CDC42BPB: variants seen among roughly 807,000 people sequenced by gnomAD.
The protein encoded by CDC42BPB is CDC42 binding protein kinase beta.
A neutral mutation model predicts 214.9 loss-of-function variants in CDC42BPB; 37 were observed. The observed-to-expected ratio is 0.17, with a 90% CI of 0.13 to 0.23. The LOEUF (loss-of-function observed/expected upper bound fraction) is 0.23, where lower values mean the gene tolerates loss of function less well. Among genes scored for constraint, CDC42BPB ranks in the 10% least tolerant of loss-of-function variants. CDC42BPB has a pLI of 1.00. For missense variants in CDC42BPB, 1,694 were observed against 2,227.0 expected (o/e 0.76, Z 4.82); for synonymous variants, 931 against 884.0 (o/e 1.05, Z -0.94).
At chr14:102,970,630 C>T (rs1012919988) in intron 13 of CDC42BPB, among the ~76,000 whole-genome samples, 9 of 152,098 alleles carry the variant, frequency 5.9e-5, no homozygotes, top group African/African-American at 1.9e-4. Context: ...AGCAGAATAG[C>T]GAACACACGT....
chr14:103,003,925 T>C lies in CDC42BPB; in HGVS notation c.447+3A>G, dbSNP rs763512977. ...TGACCGAGTCTCTGGCTGTGCGACC[T>C]ACCAGGTGGTTCTCGTCCTGAAAGG... On this transcript the variant is annotated splice_donor_region_variant and intron_variant, in intron 4 of 36. Transcript: ENST00000361246. 5 of 1,605,892 alleles carry C rather than the reference T, an allele frequency of 3.1e-6. No individual in the cohort carries two copies. In the Admixed American group the frequency reaches 8.4e-5, roughly 27 times the overall value.
chr14:102,937,654 C>T (rs542080554), intron 36 of CDC42BPB, among the ~76,000 whole-genome samples: 58 of 152,348 alleles, frequency 3.8e-4, no homozygotes, highest in African/African-American at 9.6e-4. Flanking sequence ...GGCTGAGCTG[C>T]GCACAACAGT....
chr14:102,980,080 C>A (rs992561908), intron 8 of CDC42BPB, among the ~76,000 whole-genome samples: 10 of 152,224 alleles, frequency 6.6e-5, no homozygotes, highest in East Asian at 1.9e-4. Flanking sequence ...GGCCGCCACA[C>A]TGCCTATGGG....
At chr14:103,053,499 C>T (rs562873297) in intron 1 of CDC42BPB, among the ~76,000 whole-genome samples, 17 of 152,056 alleles carry the variant, frequency 1.1e-4, no homozygotes, top group South Asian at 8.3e-4. Flanking sequence ...CGGTGGCTCA[C>T]ACCTGTAATC....
At chr14:103,044,306 C>A (rs1413199693) in intron 1 of CDC42BPB, among the ~76,000 whole-genome samples, 1 of 151,250 alleles carries the variant, frequency 6.6e-6, no homozygotes, top group Non-Finnish European at 1.5e-5. Flanking sequence ...TAGCTCACTG[C>A]AGGTTCAACC....
At chr14:102,952,219 G>A (rs1892521421) in intron 24 of CDC42BPB, among the ~76,000 whole-genome samples, 1 of 152,190 alleles carries the variant, frequency 6.6e-6, no homozygotes, top group Non-Finnish European at 1.5e-5. Flanking sequence ...AGGCATGCTG[G>A]TGGTGTGTGT....
chr14:103,056,316 A>T (rs925027179), intron 1 of CDC42BPB, among the ~76,000 whole-genome samples: 1 of 152,186 alleles, frequency 6.6e-6, no homozygotes, highest in South Asian at 2.1e-4. Flanking sequence ...TAAAGCCTTA[A>T]CCTTAAAATT....
chr14:102,967,818 C>T (rs754331173), intron 16 of CDC42BPB, among the ~76,000 whole-genome samples: 3 of 152,142 alleles, frequency 2.0e-5, no homozygotes, highest in Non-Finnish European at 2.9e-5. Flanking sequence ...AAACTTCGGC[C>T]GGCGCAGTGG....
chr14:103,044,332 C>T (rs1170827070), intron 1 of CDC42BPB, among the ~76,000 whole-genome samples: 1 of 150,106 alleles, frequency 6.7e-6, no homozygotes, highest in Admixed American at 6.6e-5. Context: ...TCCCAAGTAG[C>T]TGAACTACAG....
rs35834345 is a variant in CDC42BPB at position 102,933,429 on chromosome 14, C to T, written c.*283G>A. On this transcript the variant is annotated 3_prime_UTR_variant, in exon 37 of 37. Transcript: ENST00000361246. The stretch of plus-strand genomic sequence containing the variant: ...GTGGTGTTGGCAGGGCCCCATATGC[C>T]CTCTCGGGTTGTCAGGGGTGGGAGA... The T allele has an allele frequency of 1.2e-5, 4 of 323,054 alleles. No individual in the cohort carries two copies. The East Asian group carries it at 1.9e-4, about 16-fold the overall frequency. 20.0% of individuals were successfully genotyped at this position (323,054 alleles called of 1,614,324 possible).
intron 18 of CDC42BPB, among the ~76,000 whole-genome samples, chr14:102,965,335 T>A (rs138111263): frequency 2.9e-4 from 44 of 151,546 alleles, no homozygotes; most frequent in African/African-American, 1.0e-3. Flanking sequence ...CTTGAAACGT[T>A]TTGCTATTTC....
At chr14:102,978,882 C>T (rs1158853890) in intron 8 of CDC42BPB, among the ~76,000 whole-genome samples, 1 of 152,134 alleles carries the variant, frequency 6.6e-6, no homozygotes, top group African/African-American at 2.4e-5. Flanking sequence ...CAGCACGTGC[C>T]TGTAATCCCA....
intron 4 of CDC42BPB, among the ~76,000 whole-genome samples, chr14:103,003,185 C>T (rs571437367): frequency 2.6e-5 from 4 of 152,140 alleles, no homozygotes; most frequent in African/African-American, 7.2e-5. Flanking sequence ...GAGGTCTGCC[C>T]GCGTCACGTC....
chr14:102,970,091 G>A lies in CDC42BPB; in HGVS notation c.1995+60C>T, dbSNP rs1038653035. The A allele has an allele frequency of 9.1e-6, 12 of 1,320,634 alleles. No individual in the cohort carries two copies. In the African/African-American group the frequency reaches 1.7e-4, roughly 19 times the overall value. 81.8% of individuals were successfully genotyped at this position (1,320,634 alleles called of 1,614,324 possible). On this transcript the variant is annotated intron_variant, in intron 14 of 36. Coordinates refer to ENST00000361246, the MANE Select transcript of CDC42BPB (RefSeq NM_006035.4). ...TTACACAAGGTGACTTCCATGTGGT[G>A]GCGTCAGCAAAGATAAGCATCCCTC...
At position 102,943,100 on chromosome 14, in the gene CDC42BPB, TA is replaced by T. The variant is rs565361241; in HGVS notation, c.4408+790del. On this transcript the variant is annotated intron_variant, in intron 30 of 36. Coordinates refer to ENST00000361246, the MANE Select transcript of CDC42BPB (RefSeq NM_006035.4). This position sits in a 1 kb window ranked among gnomAD's most constrained non-coding sequence, Gnocchi z 4.6. ...ATTAGCCAGGATGGTCTCGATCTCC[TA>T]ACCTCGTGATCCGCCCTGCCTTGGG... 9.8e-5 allele frequency among the ~76,000 whole-genome samples: 15 copies of T among 152,300 alleles called. No individual in the cohort carries two copies. Among genetic ancestry groups the T allele is most frequent in the Admixed American group, 3.9e-4 (6 of 15,294 alleles).
intron 23 of CDC42BPB, chr14:102,952,863 G>A (rs568475487): frequency 2.7e-6 from 1 of 365,726 alleles, no homozygotes; most frequent in South Asian, 1.1e-4. Context: ...GAGGTCAGCT[G>A]GGCCAGAGGG....
At chr14:102,935,070 G>A (rs1210827108) in intron 36 of CDC42BPB, among the ~76,000 whole-genome samples, 2 of 152,028 alleles carry the variant, frequency 1.3e-5, no homozygotes, top group Non-Finnish European at 2.9e-5. Context: ...AAGGATGCCT[G>A]CTTTCACCAC....
rs897797262 is a variant in CDC42BPB, at chr14:102,932,901, C to T, written c.*811G>A. ...GGGGGGGGGGGCGGGCAGGGCGGGG[C>T]GGGGTGGGGTATCCCAGTGGCTGCT... On this transcript the variant is annotated 3_prime_UTR_variant, in exon 37 of 37. Transcript: ENST00000361246. 1 of 18,326 alleles carries T rather than the reference C, an allele frequency of 5.5e-5. No individual in the cohort carries two copies. Among genetic ancestry groups the T allele is most frequent in the Non-Finnish European group, 1.8e-4 (1 of 5,460 alleles). 1.1% of individuals were successfully genotyped at this position (18,326 alleles called of 1,614,324 possible).
intron 15 of CDC42BPB, 21 bp from the exon 16 acceptor site, chr14:102,968,379 C>G (rs1015585009): frequency 6.2e-7 from 1 of 1,613,446 alleles, no homozygotes; most frequent in Admixed American, 1.7e-5. Flanking sequence ...GAGCGAGAAA[C>G]AGTTTTAAAA....
Sources: allele counts gnomAD v4.1 joint callset (sites outside exome capture counted in the v4.1 genomes callset), GRCh38; gene constraint gnomAD v4.1.1; non-coding constraint Gnocchi (gnomAD v3.1); transcripts MANE v1.5; gene names NCBI Gene and HGNC (gene_info 2026-07-23, HGNC 2026-07-21).